The following PRPF8 variants were observed in gnomAD, a reference collection of about 807,000 sequenced individuals.
The protein encoded by PRPF8 is pre-mRNA processing factor 8, also known as pre-mRNA-processing-splicing factor 8.
PRPF8 carries 64 observed loss-of-function variants against 285.9 expected under a neutral mutation model. The ratio of observed to expected loss-of-function variants is 0.22; its 90% CI spans 0.18 to 0.28. The LOEUF (loss-of-function observed/expected upper bound fraction) is 0.28. Ranked by LOEUF, PRPF8 falls within the 10% of genes least tolerant of loss-of-function variation. The probability of loss-of-function intolerance (pLI) is 1.00; values close to 1 mark genes in which losing one functional copy is unlikely to be tolerated. For missense variants in PRPF8, 1,426 were observed against 3,026.7 expected (o/e 0.47, Z 12.41); for synonymous variants, 1,325 against 1,118.2 (o/e 1.18, Z -3.69).
At chr17:1,682,385 G>A in intron 3 of PRPF8, 92 bp from the exon 4 acceptor site, 2 of 1,495,930 alleles carry the variant, frequency 1.3e-6, no homozygotes, top group Non-Finnish European at 1.9e-6. Context: ...ATGTTCCACA[G>A]TCCTACCTTA....
At chr17:1,674,317 C>T (rs933150898) in intron 21 of PRPF8, 125 bp downstream of exon 21, 18 of 1,033,986 alleles carry the variant, frequency 1.7e-5, no homozygotes, top group South Asian at 3.9e-5. Context: ...CTACCGCACC[C>T]GGCCGCTTCA....
Position 1,651,070 on chromosome 17 carries a change from T to C in PRPF8, c.6853+38A>G, listed in dbSNP as rs1911025453. ...AAGGGCGATGGCCTCACCTTATCCC[T>C]ACTGCTATCCCCACATCCCCAGGCT... On this transcript the variant is annotated intron_variant, in intron 42 of 42. Transcript: ENST00000304992. The surrounding 1 kb of genome is among the most constrained non-coding windows in gnomAD (Gnocchi z 5.1). 6.2e-7 allele frequency: 1 copy of C among 1,613,786 alleles called. No individual in the cohort carries two copies. The highest frequency in any genetic ancestry group is 8.5e-7 in the Non-Finnish European group (1 of 1,179,776).
At position 1,680,956 on chromosome 17, in the gene PRPF8, T is replaced by C. The variant is rs953338; in HGVS notation, c.965A>G (p.Asn322Ser). The change falls in exon 7 of 43, where the codon AAT (asparagine) becomes AGT (serine). Residue 322 changes from asparagine to serine, a missense_variant. Around this residue, in one of 34 missense-constraint regions of PRPF8, gnomAD observed 157 missense variants for 159.6 expected, o/e 0.98. Transcript: ENST00000304992. ...YKIAFPYLYN[N>S]LPHHVHLTWY... Reference sequence around the variant, plus strand: ...GGTGAGGTGGACATGGTGTGGAAGATTGTTGTACAAGTAAGGAAAAGCAAT... The same window carrying C: ...GGTGAGGTGGACATGGTGTGGAAGACTGTTGTACAAGTAAGGAAAAGCAAT... 5.5e-5 allele frequency: 89 copies of C among 1,614,196 alleles called. No individual in the cohort carries two copies. The highest frequency in any genetic ancestry group is 6.9e-5 in the Non-Finnish European group (81 of 1,180,006).
chr17:1,677,780 G>A, intron 13 of PRPF8, 86 bp from the exon 14 acceptor site: 1 of 1,535,266 alleles, frequency 6.5e-7, no homozygotes, highest in Non-Finnish European at 9.0e-7. Flanking sequence ...GGGCATATAT[G>A]TATAATATAC....
chr17:1,651,479 G>T lies in PRPF8; in HGVS notation c.6585C>A (p.Thr2195=). The part of the protein sequence containing the change: ...SPQLSPQDVT[T]HAKIMADNPS... ...GGTTGTCAGCCATGATCTTGGCATG[G>T]GTGGTGACATCCTGGGGTGATAACT... is the stretch of plus-strand genomic sequence containing the variant. Residue 2195 remains threonine, a synonymous_variant, in exon 41 of 43, where the codon ACC becomes ACA. Transcript: ENST00000304992. This position sits in a 1 kb window ranked among gnomAD's most constrained non-coding sequence, Gnocchi z 5.1. 6.2e-7 allele frequency: 1 copy of T among 1,614,166 alleles called. No homozygotes were observed. Among genetic ancestry groups the T allele is most frequent in the East Asian group, 2.2e-5 (1 of 44,886 alleles).
In PRPF8 at chr17:1,673,615, C is replaced by T. The variant is rs1432949456; in HGVS notation, c.3447-48G>A. ...CACAGCAGTTTCTTGGAAGGAACTT[C>T]CCTTCAAAGGCCAACTGATGACATC... is the stretch of plus-strand genomic sequence containing the variant. On this transcript the variant is annotated intron_variant, in intron 22 of 42. Transcript: ENST00000304992. The surrounding 1 kb of genome is among the most constrained non-coding windows in gnomAD (Gnocchi z 5.5). The T allele has an allele frequency of 1.2e-6, 2 of 1,612,462 alleles. No individual in the cohort carries two copies. Among genetic ancestry groups the T allele is most frequent in the South Asian group, 2.2e-5 (2 of 91,012 alleles).
chr17:1,677,628 T>C lies in PRPF8; in HGVS notation c.1921A>G (p.Met641Val), dbSNP rs1215360924. 6.2e-7 allele frequency: 1 copy of C among 1,613,704 alleles called. No individual in the cohort carries two copies. Among genetic ancestry groups the C allele is most frequent in the Non-Finnish European group, 8.5e-7 (1 of 1,179,968 alleles). Residue 641 changes from methionine to valine, a missense_variant, in exon 14 of 43, where the codon ATG (methionine) becomes GTG (valine). By Grantham distance (21) the Met-to-Val change is conservative. Around this residue, in one of 34 missense-constraint regions of PRPF8, gnomAD observed 69 missense variants for 134.7 expected, o/e 0.51. Transcript: ENST00000304992. ...AAGWRVWLFF[M>V]RGITPLLERW... ...TCTAATAAAGGGGTAATGCCACGCA[T>C]GAAAAAGAGCCAGACTCGCCAACCG...
rs779371830 is a variant in PRPF8 at position 1,673,600 on chromosome 17, T to A, written c.3447-33A>T. The A allele has an allele frequency of 6.2e-7, 1 of 1,613,322 alleles. No homozygotes were observed. Among genetic ancestry groups the A allele is most frequent in the South Asian group, 1.1e-5 (1 of 91,036 alleles). On this transcript the variant is annotated intron_variant, in intron 22 of 42. Coordinates refer to ENST00000304992, the MANE Select transcript of PRPF8 (RefSeq NM_006445.4). The surrounding 1 kb of genome is among the most constrained non-coding windows in gnomAD (Gnocchi z 5.5). ...CAGAGAACACATGGTCACAGCAGTT[T>A]CTTGGAAGGAACTTCCCTTCAAAGG... is the stretch of plus-strand genomic sequence containing the variant.
chr17:1,654,174 A>T, intron 37 of PRPF8, 158 bp from the exon 38 acceptor site: 1 of 1,072,842 alleles, frequency 9.3e-7, no homozygotes, highest in Non-Finnish European at 1.4e-6. Context: ...ACGGAGGTGC[A>T]CTAACACTTC....
rs751007077 is a variant in PRPF8, at chr17:1,650,663, T to C, written c.*139A>G. ...TACAAAATTTATTATTATATTTTAT[T>C]CAGGATGACAAGCCATCAGGAGGTC... On this transcript the variant is annotated 3_prime_UTR_variant, in exon 43 of 43. Transcript: ENST00000304992. 3 of 959,274 alleles carry C rather than the reference T, an allele frequency of 3.1e-6. No homozygotes were observed. The highest frequency in any genetic ancestry group is 4.8e-6 in the Non-Finnish European group (3 of 620,126). The allele number at this position is 959,274 out of a possible 1,614,324, so 59.4% of individuals were successfully genotyped here.
In PRPF8 at chr17:1,651,855, C is replaced by T. The variant is rs1490773119; in HGVS notation, c.6370-67G>A. 36 of 1,564,502 alleles carry T rather than the reference C, an allele frequency of 2.3e-5. No individual in the cohort carries two copies. The highest frequency in any genetic ancestry group is 3.2e-5 in the Non-Finnish European group (36 of 1,137,780). ...CAGGTCAGAGTTGGAGCTGCCAGCC[C>T]TCTGTTTCCTTCCTTCCCCCAAGAA... On this transcript the variant is annotated intron_variant, in intron 39 of 42. Coordinates refer to ENST00000304992, the MANE Select transcript of PRPF8 (RefSeq NM_006445.4). The surrounding 1 kb of genome is among the most constrained non-coding windows in gnomAD (Gnocchi z 5.1).
intron 24 of PRPF8, among the ~76,000 whole-genome samples, chr17:1,670,264 T>C (rs1375199585): frequency 6.6e-6 from 1 of 152,208 alleles, no homozygotes; most frequent in Non-Finnish European, 1.5e-5. Context: ...TATCCTAAAC[T>C]AGATTTCTTT....
intron 24 of PRPF8, among the ~76,000 whole-genome samples, chr17:1,662,608 A>T (rs1193578754): frequency 4.0e-5 from 6 of 149,148 alleles, no homozygotes; most frequent in Non-Finnish European, 3.0e-5. Context: ...AAAAAAAAAA[A>T]TGGTTCCCCT....
At chr17:1,664,754 C>A (rs1911865639) in intron 24 of PRPF8, among the ~76,000 whole-genome samples, 1 of 151,950 alleles carries the variant, frequency 6.6e-6, no homozygotes, top group South Asian at 2.1e-4. Context: ...GGGAAACCCC[C>A]AAATATGTAA....
At chr17:1,684,203 G>C (rs373443806) in intron 2 of PRPF8, among the ~76,000 whole-genome samples, 62 of 151,974 alleles carry the variant, frequency 4.1e-4, no homozygotes, top group Non-Finnish European at 8.5e-4. Context: ...TTTTATTACA[G>C]AGCTTCAAGG....
Position 1,650,669 on chromosome 17 carries a change from TGAC to T in PRPF8, c.*130_*132del. The T allele has an allele frequency of 1.0e-6, 1 of 1,000,784 alleles. No homozygotes were observed. Among genetic ancestry groups the T allele is most frequent in the Non-Finnish European group, 1.5e-6 (1 of 647,390 alleles). 62.0% of individuals were successfully genotyped at this position (1,000,784 alleles called of 1,614,324 possible). ...ATTTATTATTATATTTTATTCAGGA[TGAC>T]AAGCCATCAGGAGGTCAACAACACA... On this transcript the variant is annotated 3_prime_UTR_variant, in exon 43 of 43. Coordinates refer to ENST00000304992, the MANE Select transcript of PRPF8 (RefSeq NM_006445.4).
In PRPF8 at chr17:1,659,461, G is replaced by T. The variant is rs1911571413; in HGVS notation, c.5034C>A (p.Arg1678=). 1.2e-6 allele frequency: 2 copies of T among 1,614,026 alleles called. No homozygotes were observed. The highest frequency in any genetic ancestry group is 1.7e-6 in the Non-Finnish European group (2 of 1,180,038). The change falls in exon 32 of 43, where the codon CGC becomes CGA. Residue 1678 remains arginine (R), a synonymous_variant. Coordinates refer to ENST00000304992, the MANE Select transcript of PRPF8 (RefSeq NM_006445.4). This position sits in a 1 kb window ranked among gnomAD's most constrained non-coding sequence, Gnocchi z 5.1. ...AGTCCAGGAACTTGGCCCGGGCGTA[G>T]CGCTCAATGTCGTGGGAATCATAGT... ...WGDYDSHDIE[R]YARAKFLDYT...
intron 2 of PRPF8, 152 bp downstream of exon 2, chr17:1,684,320 G>T (rs1172353777): frequency 2.5e-6 from 2 of 801,166 alleles, no homozygotes; most frequent in Admixed American, 4.5e-5. Context: ...CAAATAATAC[G>T]CGCTTAAAAT....
rs770277729 is a variant in PRPF8, at chr17:1,660,731, G to A, written c.4605C>T (p.Thr1535=). ...GLNQIPNRRF[T]LWWSPTINRA... is the part of the protein sequence containing the mutation. Reference sequence around the variant, plus strand: ...GATTAATGGTCGGGGACCACCAGAGGGTGAATCTACGATTGGGAATCTGGT... The same window carrying A: ...GATTAATGGTCGGGGACCACCAGAGAGTGAATCTACGATTGGGAATCTGGT... Residue 1535 remains threonine (T), a synonymous_variant, in exon 29 of 43, where the codon ACC becomes ACT. Transcript: ENST00000304992. 6.8e-6 allele frequency: 11 copies of A among 1,614,020 alleles called. No individual in the cohort carries two copies. Among genetic ancestry groups the A allele is most frequent in the Non-Finnish European group, 9.3e-6 (11 of 1,180,026 alleles).
Sources: gnomAD v4.1 joint callset for allele counts (sites outside exome capture counted in the v4.1 genomes callset) on GRCh38, gnomAD v4.1.1 for gene constraint, gnomAD v4.1.1 regional missense constraint, Gnocchi (gnomAD v3.1) non-coding constraint, MANE v1.5 for transcripts, NCBI Gene and HGNC (gene_info 2026-07-23, HGNC 2026-07-21) for gene names.